The following EYS variants were observed in gnomAD, a reference collection of about 807,000 sequenced individuals.
EYS encodes EGF-like photoreceptor maintenance factor, also known as protein eyes shut homolog.
A neutral mutation model predicts 282.1 loss-of-function variants in EYS; 250 were observed. The ratio of observed to expected loss-of-function variants is 0.89; its 90% CI spans 0.80 to 0.98. The LOEUF (loss-of-function observed/expected upper bound fraction) is 0.98, where lower values mean the gene tolerates loss of function less well. EYS is among the 50% of genes least tolerant of loss of function. The pLI is 0.00. For missense variants in EYS, 4,016 were observed against 3,709.0 expected, an observed-to-expected ratio of 1.08 and a Z score of -2.15; for synonymous variants, 1,355 against 1,282.9, an observed-to-expected ratio of 1.06 and a Z score of -1.20.
chr6:64,561,042 A>G (rs1765378612), intron 26 of EYS, among the ~76,000 whole-genome samples: 2 of 152,174 alleles, frequency 1.3e-5, no homozygotes, highest in South Asian at 2.1e-4. Context: ...CAACATACAC[A>G]AATCAATAAA....
intron 31 of EYS, among the ~76,000 whole-genome samples, chr6:64,163,226 G>A (rs891106528): frequency 6.6e-6 from 1 of 151,998 alleles, no homozygotes; most frequent in Non-Finnish European, 1.5e-5. Flanking sequence ...AAAAAATTAA[G>A]AGCAATACAT....
chr6:63,777,277 C>G (rs1770088582), intron 40 of EYS, among the ~76,000 whole-genome samples: 1 of 152,146 alleles, frequency 6.6e-6, no homozygotes, highest in Admixed American at 6.5e-5. Flanking sequence ...CTCTGTCTTT[C>G]AGGAGAAACT....
intron 12 of EYS, among the ~76,000 whole-genome samples, chr6:65,226,200 A>C (rs1331342665): frequency 1.3e-5 from 2 of 152,086 alleles, no homozygotes; most frequent in Non-Finnish European, 2.9e-5. Context: ...CACTAAAATC[A>C]ATTGTGTACG....
At chr6:65,688,236 T>C in intron 1 of EYS, among the ~76,000 whole-genome samples, 1 of 152,010 alleles carries the variant, frequency 6.6e-6, no homozygotes. Context: ...AAAACAGAGA[T>C]ATAGACTAAT....
intron 31 of EYS, among the ~76,000 whole-genome samples, chr6:64,200,113 A>G (rs1765417338): frequency 6.6e-6 from 1 of 152,196 alleles, no homozygotes; most frequent in Admixed American, 6.6e-5. Flanking sequence ...ACTATATGAG[A>G]GACTGGAAAA....
rs1457283792 is a variant in EYS at position 64,862,999 on chromosome 6, GA to G, written c.2992+23697del. Among the ~76,000 whole-genome samples, 5 of 152,130 alleles carry G rather than the reference GA, an allele frequency of 3.3e-5. No individual in the cohort carries two copies. In the East Asian group the frequency reaches 9.7e-4, roughly 29 times the overall value. ...GGATATGTTGTTTTCAGCAAATTTAGAAAAAGGATTGGCCAATAGTTTTTAA... is the reference window on the plus strand; with the variant it reads ...GGATATGTTGTTTTCAGCAAATTTAGAAAAGGATTGGCCAATAGTTTTTAA... On this transcript the variant is annotated intron_variant, in intron 19 of 42. Transcript: ENST00000503581.
intron 19 of EYS, among the ~76,000 whole-genome samples, chr6:64,831,216 T>C (rs984422114): frequency 1.2e-4 from 18 of 151,976 alleles, no homozygotes; most frequent in African/African-American, 4.1e-4. Context: ...ATCTTTTCCA[T>C]AGGAATGCTT....
chr6:64,754,892 T>C (rs1281426597), intron 22 of EYS, among the ~76,000 whole-genome samples: 6 of 152,118 alleles, frequency 3.9e-5, no homozygotes, highest in Admixed American at 6.5e-5. Context: ...AAGACAAGGA[T>C]TCCCACTTTC....
intron 35 of EYS, among the ~76,000 whole-genome samples, chr6:63,919,189 T>TG (rs1362968916): frequency 6.6e-6 from 1 of 151,762 alleles, no homozygotes; most frequent in Non-Finnish European, 1.5e-5. Context: ...GCAGTGAGTT[T>TG]GGGGCAGGTA....
chr6:63,789,185 T>A lies in EYS; in HGVS notation c.7451A>T (p.Asn2484Ile). ...GTTATAACTATAAACCACACTGCCA[T>A]TGAGCAGGCCCACAGCCAGGAAGTC... Reference protein sequence around the residue: ...GDDFLAVGLLNGSVVYSYNLG... With the variant: ...GDDFLAVGLLIGSVVYSYNLG... The change falls in exon 38 of 43, where the codon AAT (asparagine) becomes ATT (isoleucine). Residue 2484 changes from asparagine (N) to isoleucine (I), a missense_variant. Coordinates refer to ENST00000503581, the MANE Select transcript of EYS (RefSeq NM_001142800.2). 1 of 1,551,888 alleles carries A rather than the reference T, an allele frequency of 6.4e-7. No homozygotes were observed. Among genetic ancestry groups the A allele is most frequent in the East Asian group, 2.4e-5 (1 of 40,922 alleles).
At position 65,569,749 on chromosome 6, in the gene EYS, G is replaced by A. The variant is rs531139430; in HGVS notation, c.-333+70029C>T. Among the ~76,000 whole-genome samples, 35 of 152,086 alleles carry A rather than the reference G, an allele frequency of 2.3e-4. No individual in the cohort carries two copies. In the South Asian group the frequency reaches 5.8e-3, roughly 25 times the overall value. ...TTCCCTCTGATTTTATCTCCAACCC[G>A]ACCAATCAGCAATGCTCACTCCCTG... is the stretch of plus-strand genomic sequence containing the variant. On this transcript the variant is annotated intron_variant, in intron 2 of 42. Transcript: ENST00000503581.
At chr6:63,945,376 C>A (rs1210402034) in intron 35 of EYS, among the ~76,000 whole-genome samples, 1 of 152,076 alleles carries the variant, frequency 6.6e-6, no homozygotes, top group East Asian at 1.9e-4. Context: ...TCCCGCCGGT[C>A]CCCTCCCACA....
chr6:64,277,524 T>C (rs916660886), intron 30 of EYS, among the ~76,000 whole-genome samples: 3 of 152,080 alleles, frequency 2.0e-5, no homozygotes, highest in Admixed American at 1.3e-4. Flanking sequence ...TTTCTACATT[T>C]AGTGAAAGAA....
intron 30 of EYS, among the ~76,000 whole-genome samples, chr6:64,251,677 G>A (rs1488904867): frequency 2.0e-5 from 3 of 151,972 alleles, no homozygotes; most frequent in Admixed American, 2.0e-4. Context: ...ACCATGTTTT[G>A]CTGAAATAGT....
intron 12 of EYS, among the ~76,000 whole-genome samples, chr6:65,233,962 TTGAC>T (rs1292352967): frequency 1.3e-5 from 2 of 152,260 alleles, no homozygotes; most frequent in East Asian, 3.9e-4. Flanking sequence ...AAGCCCTGAG[TTGAC>T]TGTGATCTCC....
chr6:64,972,668 A>G (rs1425196475), intron 14 of EYS, among the ~76,000 whole-genome samples: 3 of 152,166 alleles, frequency 2.0e-5, no homozygotes, highest in Non-Finnish European at 4.4e-5. Flanking sequence ...AGAGTAATGC[A>G]TATAATATAG....
intron 22 of EYS, among the ~76,000 whole-genome samples, chr6:64,800,083 T>A (rs927822440): frequency 1.3e-5 from 2 of 152,026 alleles, no homozygotes; most frequent in African/African-American, 4.8e-5. Context: ...AGAAAACTTT[T>A]ATGGATAAAG....
chr6:64,372,080 C>A (rs907738323), intron 29 of EYS, among the ~76,000 whole-genome samples: 1 of 146,810 alleles, frequency 6.8e-6, no homozygotes, highest in African/African-American at 2.6e-5. Context: ...GGTTATTATG[C>A]AGACTTGTTT....
At chr6:65,502,537 T>G (rs1194260380) in intron 2 of EYS, among the ~76,000 whole-genome samples, 2 of 151,716 alleles carry the variant, frequency 1.3e-5, no homozygotes, top group African/African-American at 4.8e-5. Context: ...AATGAATTAA[T>G]ATTAGTATAT....
Sources: allele counts gnomAD v4.1 joint callset (sites outside exome capture counted in the v4.1 genomes callset), GRCh38; gene constraint gnomAD v4.1.1; transcripts MANE v1.5; gene names NCBI Gene and HGNC (gene_info 2026-07-23, HGNC 2026-07-21).